ADGRB3: variants seen among roughly 807,000 people sequenced by gnomAD.
The protein encoded by ADGRB3 is adhesion G protein-coupled receptor B3.
A neutral mutation model predicts 193.4 loss-of-function variants in ADGRB3; 37 were observed. The observed-to-expected ratio is 0.19, with a 90% CI of 0.15 to 0.25. The LOEUF is 0.25. ADGRB3 is among the 10% of genes least tolerant of loss of function. The pLI, the probability that ADGRB3 is intolerant of heterozygous loss-of-function variation, is 1.00. For synonymous variants in ADGRB3, 690 were observed against 644.2 expected, an observed-to-expected ratio of 1.07 and a Z score of -1.08; for missense variants, 1,637 against 1,852.9, an observed-to-expected ratio of 0.88 and a Z score of 2.14.
chr6:68,928,614 A>T (rs76452555), intron 3 of ADGRB3, among the ~76,000 whole-genome samples: 1,770 of 152,262 alleles, frequency 0.012, 45 homozygotes, highest in African/African-American at 0.041. Context: ...ATTTCAGCCT[A>T]TTATCATGCT....
intron 13 of ADGRB3, among the ~76,000 whole-genome samples, chr6:69,039,343 T>TTA (rs980165617): frequency 3.9e-5 from 6 of 152,006 alleles, no homozygotes; most frequent in African/African-American, 1.4e-4. Flanking sequence ...AAAAGAAATT[T>TTA]TATATATATA....
intron 17 of ADGRB3, among the ~76,000 whole-genome samples, chr6:69,228,782 AAC>A (rs1419997329): frequency 6.6e-6 from 1 of 152,230 alleles, no homozygotes; most frequent in Non-Finnish European, 1.5e-5. Context: ...TCTGTTTTAA[AAC>A]AGATTACAAT....
chr6:68,874,360 T>C (rs1765533995), intron 3 of ADGRB3, among the ~76,000 whole-genome samples: 1 of 152,140 alleles, frequency 6.6e-6, no homozygotes, highest in Non-Finnish European at 1.5e-5. Context: ...GTTATAATTA[T>C]ACATTCTTCA....
chr6:68,967,513 G>A (rs912847551), intron 8 of ADGRB3, among the ~76,000 whole-genome samples: 1 of 152,022 alleles, frequency 6.6e-6, no homozygotes, highest in Non-Finnish European at 1.5e-5. Context: ...AACATCTTTT[G>A]ACTAATTTTT....
intron 8 of ADGRB3, among the ~76,000 whole-genome samples, chr6:68,962,575 G>A (rs1038751240): frequency 1.4e-4 from 21 of 151,964 alleles, no homozygotes; most frequent in African/African-American, 5.1e-4. Flanking sequence ...GAAATATTTA[G>A]CAACATGCTG....
At chr6:68,984,470 A>C (rs1489610952) in intron 10 of ADGRB3, among the ~76,000 whole-genome samples, 5 of 152,140 alleles carry the variant, frequency 3.3e-5, no homozygotes, top group Admixed American at 1.3e-4. Context: ...TCTGGACAGG[A>C]AATAATTTTG....
intron 3 of ADGRB3, among the ~76,000 whole-genome samples, chr6:68,810,130 A>G (rs2043595477): frequency 6.6e-6 from 1 of 152,110 alleles, no homozygotes; most frequent in Non-Finnish European, 1.5e-5. Context: ...CTTTGTTATT[A>G]TATATGAACA....
rs1490901880 is a variant in ADGRB3, at chr6:68,672,453, A to G, written c.757+33021A>G. Among the ~76,000 whole-genome samples the G allele has an allele frequency of 2.6e-5, 4 of 151,646 alleles. No individual in the cohort carries two copies. The East Asian group carries it at 7.7e-4, about 29-fold the overall frequency. On this transcript the variant is annotated intron_variant, in intron 3 of 31. Transcript: ENST00000370598. The stretch of plus-strand genomic sequence containing the variant: ...TTTGCTGTATCTCATTGGTTTTTAT[A>G]TGTTATGTTTCCACTAACAGTTGTT...
chr6:68,985,992 G>T (rs1453774041), intron 10 of ADGRB3, among the ~76,000 whole-genome samples: 1 of 152,136 alleles, frequency 6.6e-6, no homozygotes, highest in Non-Finnish European at 1.5e-5. Flanking sequence ...AGAACATCTA[G>T]ATTTGTTTGA....
intron 3 of ADGRB3, among the ~76,000 whole-genome samples, chr6:68,884,433 C>T (rs1025592404): frequency 6.6e-6 from 1 of 152,128 alleles, no homozygotes; most frequent in Non-Finnish European, 1.5e-5. Context: ...GAGAACATGT[C>T]TCTCAGAGAG....
At chr6:68,866,081 G>T (rs1562062702) in intron 3 of ADGRB3, among the ~76,000 whole-genome samples, 1 of 150,492 alleles carries the variant, frequency 6.6e-6, no homozygotes, top group South Asian at 2.1e-4. Flanking sequence ...TCAGAAGGTG[G>T]GTTACTTAAA....
intron 15 of ADGRB3, among the ~76,000 whole-genome samples, chr6:69,059,610 G>T (rs73467747): frequency 0.016 from 2,503 of 152,140 alleles, 70 homozygotes; most frequent in African/African-American, 0.053. Flanking sequence ...TGCTTTTCTA[G>T]CAGTGAATGC....
intron 15 of ADGRB3, among the ~76,000 whole-genome samples, chr6:69,060,707 C>G (rs1023670432): frequency 1.3e-5 from 2 of 151,910 alleles, no homozygotes; most frequent in African/African-American, 2.4e-5. Flanking sequence ...TTTGCAAAAC[C>G]AAACCAGAAC....
At chr6:69,381,145 T>G (rs1232568293) in intron 30 of ADGRB3, among the ~76,000 whole-genome samples, 1 of 151,884 alleles carries the variant, frequency 6.6e-6, no homozygotes, top group African/African-American at 2.4e-5. Flanking sequence ...TGTTTGCCAG[T>G]GACAGGGTCC....
intron 20 of ADGRB3, among the ~76,000 whole-genome samples, chr6:69,246,032 T>A (rs1464257061): frequency 1.3e-5 from 2 of 152,160 alleles, no homozygotes; most frequent in African/African-American, 4.8e-5. Context: ...TAGTGATAGA[T>A]TATTTTTCTA....
chr6:68,886,701 G>T (rs893649971), intron 3 of ADGRB3, among the ~76,000 whole-genome samples: 1 of 151,924 alleles, frequency 6.6e-6, no homozygotes, highest in Non-Finnish European at 1.5e-5. Context: ...ATCCTTAACT[G>T]TAACATTCAA....
At chr6:68,762,195 T>G (rs1320877984) in intron 3 of ADGRB3, among the ~76,000 whole-genome samples, 1 of 152,132 alleles carries the variant, frequency 6.6e-6, no homozygotes, top group African/African-American at 2.4e-5. Context: ...ATCTTCTGTC[T>G]TGTTCAATCC....
At chr6:68,718,867 A>G (rs1196076711) in intron 3 of ADGRB3, among the ~76,000 whole-genome samples, 22 of 151,732 alleles carry the variant, frequency 1.4e-4, no homozygotes, top group Non-Finnish European at 5.9e-5. Flanking sequence ...GAACACAGCC[A>G]CGTCTATTTG....
chr6:68,670,632 G>A (rs1188820924), intron 3 of ADGRB3, among the ~76,000 whole-genome samples: 2 of 151,780 alleles, frequency 1.3e-5, no homozygotes, highest in Admixed American at 6.6e-5. Context: ...TGTTTTTTAT[G>A]CCAGTACCAT....
Sources: gnomAD v4.1 joint callset for allele counts (sites outside exome capture counted in the v4.1 genomes callset) on GRCh38, gnomAD v4.1.1 for gene constraint, MANE v1.5 for transcripts, NCBI Gene and HGNC (gene_info 2026-07-23, HGNC 2026-07-21) for gene names.